GLI3: variants seen among roughly 807,000 people sequenced by gnomAD.
GLI3 encodes the protein transcription activator GLI3.
In GLI3, 20 loss-of-function variants were observed where a neutral mutation model predicts 100.8. That is an observed-to-expected ratio of 0.20 (90% CI 0.14 to 0.29). The LOEUF (loss-of-function observed/expected upper bound fraction) is 0.29. GLI3 is among the 10% of genes least tolerant of loss of function. The probability of loss-of-function intolerance (pLI) is 1.00; values close to 1 mark genes in which losing one functional copy is unlikely to be tolerated. For missense variants in GLI3, 2,040 were observed against 2,128.5 expected (o/e 0.96, Z 0.82); for synonymous variants, 938 against 860.5 (o/e 1.09, Z -1.58).
In GLI3 at chr7:42,016,268, C is replaced by A. The variant is rs567921812; in HGVS notation, c.1497+7200G>T. On this transcript the variant is annotated intron_variant, in intron 10 of 14. Transcript: ENST00000395925. Reference sequence around the variant, plus strand: ...CACTGCAGAAAAGCACAAGGAAGAACCTGCAATGGAAGAAATGAACCCAGA... The same window carrying A: ...CACTGCAGAAAAGCACAAGGAAGAAACTGCAATGGAAGAAATGAACCCAGA... Among the ~76,000 whole-genome samples the A allele has an allele frequency of 4.6e-5, 7 of 152,266 alleles. 1 individual carries two copies. The South Asian group carries it at 8.3e-4, about 18-fold the overall frequency.
intron 1 of GLI3, among the ~76,000 whole-genome samples, chr7:42,235,022 C>T (rs1302762606): frequency 6.6e-6 from 1 of 152,170 alleles, no homozygotes; most frequent in Admixed American, 6.5e-5. Flanking sequence ...ACAGAGTTTA[C>T]ATTGTTAAAA....
At position 41,965,506 on chromosome 7, in the gene GLI3, G is replaced by C. The variant is rs1309892498; in HGVS notation, c.3567C>G (p.Arg1189=). Residue 1189 remains arginine (R), a synonymous_variant, in exon 15 of 15, where the codon CGC becomes CGG. Transcript: ENST00000395925. ...CGPRPAVPQT[R]AFGFCNGMVV... ...CCATGCCGTTGCAGAACCCAAAGGC[G>C]CGAGTCTGCGGCACAGCGGGCCGCG... 2 of 1,607,304 alleles carry C rather than the reference G, an allele frequency of 1.2e-6. No individual in the cohort carries two copies. Among genetic ancestry groups the C allele is most frequent in the African/African-American group, 2.7e-5 (2 of 74,790 alleles).
chr7:42,144,359 GC>G (rs1245785144), intron 3 of GLI3, among the ~76,000 whole-genome samples: 1 of 152,080 alleles, frequency 6.6e-6, no homozygotes, highest in Non-Finnish European at 1.5e-5. Flanking sequence ...GTAGCTGAAA[GC>G]CTGTCAACAC....
chr7:42,158,492 TA>T (rs1397693274), intron 2 of GLI3, among the ~76,000 whole-genome samples: 1 of 151,820 alleles, frequency 6.6e-6, no homozygotes, highest in Non-Finnish European at 1.5e-5. Context: ...ATGTGAAGAC[TA>T]TTTTTTTTTT....
chr7:42,170,407 T>TC (rs1288712516), intron 2 of GLI3, among the ~76,000 whole-genome samples: 3 of 135,308 alleles, frequency 2.2e-5, no homozygotes, highest in Non-Finnish European at 4.8e-5. Flanking sequence ...CTTTTTTTTT[T>TC]TTTTTTTTTT....
chr7:42,170,207 A>C (rs188038522), intron 2 of GLI3, among the ~76,000 whole-genome samples: 3,847 of 149,656 alleles, frequency 0.026, 156 homozygotes, highest in East Asian at 0.2. Context: ...AGCTGAGATT[A>C]CAACACTGCA....
intron 13 of GLI3, among the ~76,000 whole-genome samples, chr7:41,970,889 A>C (rs1787345239): frequency 6.6e-6 from 1 of 152,008 alleles, no homozygotes; most frequent in African/African-American, 2.4e-5. Flanking sequence ...TATTTTAAGA[A>C]TAGACATGTG....
intron 3 of GLI3, among the ~76,000 whole-genome samples, chr7:42,102,387 T>TC (rs918922787): frequency 2.0e-5 from 3 of 152,150 alleles, no homozygotes; most frequent in Non-Finnish European, 2.9e-5. Context: ...CAGAGCTCAT[T>TC]CCCCCAGGGA....
At chr7:42,136,636 T>G (rs887607587) in intron 3 of GLI3, among the ~76,000 whole-genome samples, 2 of 152,160 alleles carry the variant, frequency 1.3e-5, no homozygotes, top group African/African-American at 2.4e-5. Flanking sequence ...GTTAACAAAA[T>G]AAGAAGAAAT....
intron 3 of GLI3, among the ~76,000 whole-genome samples, chr7:42,135,695 T>C (rs1786411616): frequency 6.6e-6 from 1 of 152,234 alleles, no homozygotes; most frequent in African/African-American, 2.4e-5. Flanking sequence ...GGCCCTGCTA[T>C]CTATACTCAG....
chr7:42,011,849 A>G (rs573366272), intron 10 of GLI3, among the ~76,000 whole-genome samples: 22 of 152,278 alleles, frequency 1.4e-4, no homozygotes, highest in Admixed American at 1.4e-3. Context: ...GTTGGCGGTT[A>G]CACAACACTG....
At chr7:42,238,406 C>A (rs1478725221), upstream of GLI3, among the ~76,000 whole-genome samples, 2 of 152,208 alleles carry the variant, frequency 1.3e-5, no homozygotes, top group Non-Finnish European at 2.9e-5. Context: ...AAAGCCATCC[C>A]CGAAACTCCC....
At chr7:42,090,292 T>C (rs1244373523) in intron 3 of GLI3, among the ~76,000 whole-genome samples, 2 of 152,158 alleles carry the variant, frequency 1.3e-5, no homozygotes, top group African/African-American at 4.8e-5. Flanking sequence ...ACTGTACACT[T>C]AGGCTGCACT....
intron 3 of GLI3, among the ~76,000 whole-genome samples, chr7:42,083,515 A>G (rs1344094425): frequency 2.0e-5 from 3 of 152,208 alleles, no homozygotes; most frequent in Non-Finnish European, 4.4e-5. Context: ...CATATTGCCT[A>G]TGGCTGCTTT....
intron 11 of GLI3, 36 bp downstream of exon 11, chr7:41,978,563 G>A (rs759807862): frequency 1.2e-6 from 2 of 1,607,872 alleles, no homozygotes; most frequent in Middle Eastern, 1.7e-4. Flanking sequence ...TATGGGGAAG[G>A]ACCCAAGTGT....
intron 10 of GLI3, among the ~76,000 whole-genome samples, chr7:42,008,136 A>G (rs1788509359): frequency 6.6e-6 from 1 of 152,156 alleles, no homozygotes; most frequent in Non-Finnish European, 1.5e-5. Context: ...GATGCTCTGT[A>G]TTACCTCTAT....
chr7:41,964,962 C>T lies in GLI3; in HGVS notation c.4111G>A (p.Gly1371Ser), dbSNP rs756668987. Residue 1371 changes from glycine (G) to serine (S), a missense_variant, in exon 15 of 15, where the codon GGC (glycine) becomes AGC (serine). Transcript: ENST00000395925. Reference sequence around the variant, plus strand: ...ACTGCCAAGCTTGACGGCTGGCTGCCCATGCCGTGAGCCCCTGGCAGGCAG... The same window carrying T: ...ACTGCCAAGCTTGACGGCTGGCTGCTCATGCCGTGAGCCCCTGGCAGGCAG... Reference protein sequence around the residue: ...ESCLPGAHGMGSQPSSLAVVR... With the variant: ...ESCLPGAHGMSSQPSSLAVVR... 1.2e-6 allele frequency: 2 copies of T among 1,613,614 alleles called. No individual in the cohort carries two copies. Among genetic ancestry groups the T allele is most frequent in the East Asian group, 2.2e-5 (1 of 44,872 alleles).
At chr7:42,147,623 G>C (rs2128786330) in intron 3 of GLI3, among the ~76,000 whole-genome samples, 1 of 152,292 alleles carries the variant, frequency 6.6e-6, no homozygotes, top group African/African-American at 2.4e-5. Flanking sequence ...CAGAGTCCTA[G>C]TTAATTTCTT....
chr7:41,987,022 C>T (rs1049185039), intron 10 of GLI3, among the ~76,000 whole-genome samples: 10 of 151,386 alleles, frequency 6.6e-5, no homozygotes, highest in South Asian at 2.1e-4. Context: ...GGGTAGGGCC[C>T]GACAAGTGTT....
Sources: gnomAD v4.1 joint callset for allele counts (sites outside exome capture counted in the v4.1 genomes callset) on GRCh38, gnomAD v4.1.1 for gene constraint, MANE v1.5 for transcripts, NCBI Gene and HGNC (gene_info 2026-07-23, HGNC 2026-07-21) for gene names.